Variants in RYR2 observed in about 807,000 individuals in gnomAD.
The protein encoded by RYR2 is ryanodine receptor 2.
RYR2 carries 227 observed loss-of-function variants against 601.1 expected under a neutral mutation model. The observed-to-expected ratio is 0.38, with a 90% confidence interval of 0.34 to 0.42. RYR2 has a LOEUF of 0.42. Among genes scored for constraint, RYR2 ranks in the 10% least tolerant of loss-of-function variants. The pLI is 1.00. For synonymous variants in RYR2, 2,223 were observed against 2,175.1 expected, an observed-to-expected ratio of 1.02 and a Z score of -0.61; for missense variants, 4,646 against 6,156.5, an observed-to-expected ratio of 0.75 and a Z score of 8.21.
chr1:237,549,184 A>G lies in RYR2; in HGVS notation c.3066+594A>G, dbSNP rs191273317. On this transcript the variant is annotated intron_variant, in intron 26 of 104. Coordinates refer to ENST00000366574, the MANE Select transcript of RYR2 (RefSeq NM_001035.3). Reference sequence around the variant, plus strand: ...TGTTGCAGATCATTTTGCTCTAGGCATCAGTAGATATTCAGGTATTTGGGT... The same window carrying G: ...TGTTGCAGATCATTTTGCTCTAGGCGTCAGTAGATATTCAGGTATTTGGGT... Among the ~76,000 whole-genome samples the G allele has an allele frequency of 1.6e-3, 240 of 152,346 alleles. 3 individuals are homozygous for G. The highest frequency in any genetic ancestry group is 0.014 in the Admixed American group (211 of 15,300).
intron 79 of RYR2, 143 bp from the exon 80 acceptor site, chr1:237,742,153 A>G (rs1691663448): frequency 3.2e-6 from 2 of 630,494 alleles, no homozygotes; most frequent in South Asian, 1.9e-5. Context: ...TATGTCATCT[A>G]AGCATTCTAT....
At chr1:237,065,925 C>T (rs900668488) in intron 1 of RYR2, among the ~76,000 whole-genome samples, 16 of 152,232 alleles carry the variant, frequency 1.1e-4, no homozygotes, top group African/African-American at 3.1e-4. Context: ...TTTTAAACAA[C>T]CAGATTTCAA....
intron 56 of RYR2, among the ~76,000 whole-genome samples, chr1:237,663,955 G>C (rs375178200): frequency 2.2e-4 from 33 of 152,288 alleles, no homozygotes; most frequent in African/African-American, 7.7e-4. Context: ...ACAAGAAGCT[G>C]ATTGGAGAGG....
rs747360698 is a variant in RYR2 at position 237,759,746 on chromosome 1, G to A, written c.11326-30G>A. ...TAACAAACAATAAGATTTTTGTTCAGTGGCCACGTGGTTTCTATAATTCCC... is the reference window on the plus strand; with the variant it reads ...TAACAAACAATAAGATTTTTGTTCAATGGCCACGTGGTTTCTATAATTCCC... On this transcript the variant is annotated intron_variant, in intron 82 of 104. Transcript: ENST00000366574. The A allele has an allele frequency of 3.0e-6, 4 of 1,342,684 alleles. No homozygotes were observed. The Admixed American group carries it at 6.7e-5, about 23-fold the overall frequency. The allele number at this position is 1,342,684 out of a possible 1,614,324, so 83.2% of individuals were successfully genotyped here. A position where few individuals can be genotyped will look rare whatever the true frequency, so the allele number is the denominator to read the frequency against.
chr1:237,207,032 G>T (rs6658907), intron 1 of RYR2, among the ~76,000 whole-genome samples: 34,116 of 151,914 alleles, frequency 0.22, 4,189 homozygotes, highest in East Asian at 0.37. Context: ...TTCAGGTGAT[G>T]CTTGGCTGGG....
chr1:237,765,765 C>T (rs1253630595), intron 84 of RYR2, among the ~76,000 whole-genome samples: 1 of 152,112 alleles, frequency 6.6e-6, no homozygotes, highest in African/African-American at 2.4e-5. Flanking sequence ...TTCGTGGCAC[C>T]AAATACATTT....
intron 10 of RYR2, among the ~76,000 whole-genome samples, chr1:237,404,001 C>T (rs1703633492): frequency 6.6e-6 from 1 of 152,170 alleles, no homozygotes; most frequent in South Asian, 2.1e-4. Flanking sequence ...CATCTGTAAA[C>T]CCAGCAGTTT....
Position 237,445,502 on chromosome 1 carries a change from C to G in RYR2, c.1272C>G (p.Phe424Leu), listed in dbSNP as rs767394797. The change falls in exon 14 of 105, where the codon TTC (phenylalanine) becomes TTG (leucine). Residue 424 changes from phenylalanine (F) to leucine (L), a missense_variant. Physicochemically the swap from Phe to Leu is conservative, Grantham distance 22. This residue lies in a region of RYR2 where 1,807 missense variants were observed against 2,088.1 expected (regional missense o/e 0.87). Coordinates refer to ENST00000366574, the MANE Select transcript of RYR2 (RefSeq NM_001035.3). ...RTARVIRSTV[F>L]LFNRFIRGLD... is the part of the protein sequence containing the mutation. ...CCCGAGTTATCCGGAGCACAGTCTT[C>G]CTTTTCAATAGATTTATAAGGTACT... 4 of 1,613,604 alleles carry G rather than the reference C, an allele frequency of 2.5e-6. No individual in the cohort carries two copies. In the East Asian group the frequency reaches 8.9e-5, roughly 36 times the overall value.
intron 54 of RYR2, among the ~76,000 whole-genome samples, chr1:237,659,358 T>G (rs1683554271): frequency 6.6e-6 from 1 of 152,190 alleles, no homozygotes; most frequent in Non-Finnish European, 1.5e-5. Context: ...ACAGGAAGGT[T>G]TTCCAGTCTA....
intron 76 of RYR2, among the ~76,000 whole-genome samples, chr1:237,728,694 A>G (rs1690414090): frequency 6.6e-6 from 1 of 151,938 alleles, no homozygotes; most frequent in African/African-American, 2.4e-5. Flanking sequence ...ACAGAAAATA[A>G]AATACCACAT....
At chr1:237,758,472 G>A (rs1051430356) in intron 82 of RYR2, among the ~76,000 whole-genome samples, 1 of 152,052 alleles carries the variant, frequency 6.6e-6, no homozygotes, top group Non-Finnish European at 1.5e-5. Context: ...ATATGGTTTT[G>A]TGTCTATGTG....
In RYR2 at chr1:237,737,546, T is replaced by C. The variant is rs545590993; in HGVS notation, c.11091+3790T>C. Among the ~76,000 whole-genome samples the C allele has an allele frequency of 4.6e-5, 7 of 152,360 alleles. No homozygotes were observed. In the East Asian group the frequency reaches 9.6e-4, roughly 21 times the overall value. On this transcript the variant is annotated intron_variant, in intron 79 of 104. Transcript: ENST00000366574. ...AGGTCATGTCAGCTATCCTGTATTATACTGTTGACTTTTAATTTTTTAATT... is the reference window on the plus strand; with the variant it reads ...AGGTCATGTCAGCTATCCTGTATTACACTGTTGACTTTTAATTTTTTAATT...
At chr1:237,326,670 T>A (rs137854930) in intron 2 of RYR2, among the ~76,000 whole-genome samples, 1 of 152,232 alleles carries the variant, frequency 6.6e-6, no homozygotes, top group African/African-American at 2.4e-5. Flanking sequence ...AGGAACGTTC[T>A]TTCACATTGA....
At chr1:237,401,457 A>ATAAGTATAAGTATAAGTATAAAT (rs1386195939) in intron 10 of RYR2, among the ~76,000 whole-genome samples, 1,829 of 152,288 alleles carry the variant, frequency 0.012, 47 homozygotes, top group African/African-American at 0.042. Context: ...AGAATGACTC[A>ATAAGTATAAGTATAAGTATAAAT]CAGAACACAG....
chr1:237,087,447 A>AT (rs1228792542), intron 1 of RYR2, among the ~76,000 whole-genome samples: 1 of 152,204 alleles, frequency 6.6e-6, no homozygotes, highest in Non-Finnish European at 1.5e-5. Flanking sequence ...AGGATAAAAA[A>AT]TGTAAATGTT....
chr1:237,832,057 T>G (rs922899590), intron 104 of RYR2, among the ~76,000 whole-genome samples: 1 of 152,008 alleles, frequency 6.6e-6, no homozygotes, highest in Non-Finnish European at 1.5e-5. Context: ...CACACATATA[T>G]TTTTTGAGAC....
At chr1:237,331,169 A>C (rs760221175) in intron 3 of RYR2, among the ~76,000 whole-genome samples, 187 bp downstream of exon 3, 1 of 152,186 alleles carries the variant, frequency 6.6e-6, no homozygotes, top group African/African-American at 2.4e-5. Flanking sequence ...AACTAAAAAA[A>C]TATATCCAAG....
Position 237,635,091 on chromosome 1 carries a change from T to C in RYR2, c.6792+99T>C, listed in dbSNP as rs139316776. 1,579 of 956,422 alleles carry C rather than the reference T, an allele frequency of 1.7e-3. 18 individuals are homozygous for C. The African/African-American group carries it at 0.022, about 13-fold the overall frequency. 59.2% of individuals were successfully genotyped at this position (956,422 alleles called of 1,614,324 possible). A position where few individuals can be genotyped will look rare whatever the true frequency, so the allele number is the denominator to read the frequency against. ...AGTAAGGTTGGTGCAGAAGTCATTG[T>C]GGTTTTGCAATGTGACATTATGGCC... On this transcript the variant is annotated intron_variant, in intron 44 of 104. Coordinates refer to ENST00000366574, the MANE Select transcript of RYR2 (RefSeq NM_001035.3).
chr1:237,588,554 T>G (rs893847851), intron 29 of RYR2, among the ~76,000 whole-genome samples: 2 of 152,166 alleles, frequency 1.3e-5, no homozygotes, highest in Non-Finnish European at 2.9e-5. Flanking sequence ...AAATGAAGGC[T>G]GGGCACAGTG....
Sources: allele counts gnomAD v4.1 joint callset (sites outside exome capture counted in the v4.1 genomes callset), GRCh38; gene constraint gnomAD v4.1.1; regional missense constraint gnomAD v4.1.1; transcripts MANE v1.5; gene names NCBI Gene and HGNC (gene_info 2026-07-23, HGNC 2026-07-21).